SDK1: variants seen among roughly 807,000 people sequenced by gnomAD.
SDK1 encodes the protein sidekick cell adhesion molecule 1.
In SDK1, 157 loss-of-function variants were observed where a neutral mutation model predicts 245.5. The ratio of observed to expected loss-of-function variants is 0.64; its 90% CI spans 0.56 to 0.73. The LOEUF (loss-of-function observed/expected upper bound fraction) is 0.73. Ranked by LOEUF, SDK1 falls within the 30% of genes least tolerant of loss-of-function variation. The pLI is 0.00. For missense variants in SDK1, 3,583 were observed against 3,002.3 expected (o/e 1.19, Z -4.52); for synonymous variants, 1,647 against 1,278.5 (o/e 1.29, Z -6.15).
intron 17 of SDK1, among the ~76,000 whole-genome samples, chr7:4,017,869 C>A (rs370422613): frequency 9.2e-5 from 14 of 152,208 alleles, no homozygotes; most frequent in African/African-American, 3.4e-4. Context: ...GCCCCCGACC[C>A]CTGGAAAAAT....
chr7:4,067,244 G>C (rs956492345), intron 19 of SDK1, among the ~76,000 whole-genome samples: 1 of 152,316 alleles, frequency 6.6e-6, no homozygotes, highest in Middle Eastern at 3.4e-3. Context: ...GGCTCTGCCT[G>C]CCCGTGTTAG....
chr7:4,053,575 C>A (rs1185856050), intron 19 of SDK1, among the ~76,000 whole-genome samples: 7 of 152,144 alleles, frequency 4.6e-5, no homozygotes. Context: ...CGGGATGGCT[C>A]CCCACTCCCT....
intron 1 of SDK1, among the ~76,000 whole-genome samples, chr7:3,378,342 C>G (rs533038599): frequency 6.6e-6 from 1 of 152,150 alleles, no homozygotes; most frequent in Non-Finnish European, 1.5e-5. Context: ...AAACAAAAGT[C>G]CTTGTTAGTT....
intron 1 of SDK1, among the ~76,000 whole-genome samples, chr7:3,505,271 G>C (rs981234689): frequency 6.6e-6 from 1 of 152,044 alleles, no homozygotes; most frequent in Non-Finnish European, 1.5e-5. Flanking sequence ...GACTGAGACT[G>C]GGTTTCACTC....
intron 14 of SDK1, among the ~76,000 whole-genome samples, chr7:4,002,296 C>A (rs564454416): frequency 1.3e-5 from 2 of 152,132 alleles, no homozygotes; most frequent in African/African-American, 4.8e-5. Flanking sequence ...CGAAGCCTCA[C>A]CCCAAGCAGT....
intron 13 of SDK1, among the ~76,000 whole-genome samples, chr7:3,985,198 G>A (rs1480031620): frequency 6.6e-6 from 1 of 152,230 alleles, no homozygotes; most frequent in Non-Finnish European, 1.5e-5. Flanking sequence ...TGGTCTGAGA[G>A]GTTCACCATG....
intron 1 of SDK1, among the ~76,000 whole-genome samples, chr7:3,566,569 A>C (rs913248216): frequency 6.6e-6 from 1 of 152,094 alleles, no homozygotes; most frequent in African/African-American, 2.4e-5. Context: ...AAATTGATCC[A>C]CTTGATTTTA....
chr7:3,919,515 G>A (rs557689299), intron 5 of SDK1, among the ~76,000 whole-genome samples: 56 of 152,264 alleles, frequency 3.7e-4, no homozygotes, highest in African/African-American at 1.3e-3. Context: ...TACCCTCCCT[G>A]GTGAACTGAA....
intron 4 of SDK1, among the ~76,000 whole-genome samples, chr7:3,728,946 C>G (rs1296696416): frequency 1.3e-5 from 2 of 152,072 alleles, no homozygotes; most frequent in African/African-American, 2.4e-5. Flanking sequence ...AAAAAAAAAT[C>G]TCTAGAAAAA....
chr7:3,794,489 C>T (rs967393826), intron 4 of SDK1, among the ~76,000 whole-genome samples: 1 of 152,278 alleles, frequency 6.6e-6, no homozygotes, highest in African/African-American at 2.4e-5. Flanking sequence ...TAAGAAGTGA[C>T]TGGGTCATGA....
intron 1 of SDK1, among the ~76,000 whole-genome samples, chr7:3,530,162 A>G (rs1303812862): frequency 6.6e-6 from 1 of 152,190 alleles, no homozygotes; most frequent in Non-Finnish European, 1.5e-5. Flanking sequence ...GACCCATTAT[A>G]TTAGCTCAAA....
At chr7:3,539,082 G>C (rs1280700372) in intron 1 of SDK1, among the ~76,000 whole-genome samples, 1 of 152,170 alleles carries the variant, frequency 6.6e-6, no homozygotes, top group East Asian at 1.9e-4. Flanking sequence ...ATGCAGACAA[G>C]AAGACCAAAA....
chr7:4,214,209 C>A (rs953938912), intron 38 of SDK1, among the ~76,000 whole-genome samples: 1 of 152,162 alleles, frequency 6.6e-6, no homozygotes, highest in Non-Finnish European at 1.5e-5. Flanking sequence ...GGGCAGAAAG[C>A]GTCTGGAGCA....
chr7:4,138,008 T>C (rs895732625), intron 28 of SDK1, among the ~76,000 whole-genome samples: 1 of 152,244 alleles, frequency 6.6e-6, no homozygotes, highest in South Asian at 2.1e-4. Context: ...CATTCATCTT[T>C]ATGTTCAGCA....
intron 4 of SDK1, among the ~76,000 whole-genome samples, chr7:3,820,211 G>A (rs949631292): frequency 2.0e-5 from 3 of 152,002 alleles, no homozygotes; most frequent in Non-Finnish European, 2.9e-5. Context: ...GTGTGGCGGC[G>A]TGATCTCAGC....
chr7:3,406,327 C>A (rs1779054222), intron 1 of SDK1, among the ~76,000 whole-genome samples: 1 of 152,142 alleles, frequency 6.6e-6, no homozygotes, highest in African/African-American at 2.4e-5. Context: ...TTTCAGATAG[C>A]CCAGACAATA....
At chr7:3,672,905 A>C (rs1783764037) in intron 4 of SDK1, among the ~76,000 whole-genome samples, 1 of 148,684 alleles carries the variant, frequency 6.7e-6, no homozygotes, top group Non-Finnish European at 1.5e-5. Flanking sequence ...CTTTGGGTAA[A>C]AGCTCTATTC....
At chr7:3,628,536 C>T (rs1261066255) in intron 2 of SDK1, among the ~76,000 whole-genome samples, 2 of 152,032 alleles carry the variant, frequency 1.3e-5, no homozygotes. Context: ...ACTAGAGACT[C>T]CCCACAACAT....
intron 1 of SDK1, among the ~76,000 whole-genome samples, chr7:3,376,009 T>C (rs754225499): frequency 1.3e-5 from 2 of 152,154 alleles, no homozygotes; most frequent in Admixed American, 6.6e-5. Flanking sequence ...AAAAAATAAG[T>C]TGGATTCTTA....
Sources: allele counts gnomAD v4.1 joint callset (sites outside exome capture counted in the v4.1 genomes callset), GRCh38; gene constraint gnomAD v4.1.1; transcripts MANE v1.5; gene names NCBI Gene and HGNC (gene_info 2026-07-23, HGNC 2026-07-21).